Variants in NUDT21 observed in about 807,000 individuals in gnomAD.
The protein encoded by NUDT21 is nudix hydrolase 21.
A neutral mutation model predicts 29.8 loss-of-function variants in NUDT21; 5 were observed. The observed-to-expected ratio is 0.17, with a 90% CI of 0.09 to 0.35. The LOEUF is 0.35. Ranked by LOEUF, NUDT21 falls within the 10% of genes least tolerant of loss-of-function variation. The pLI, the probability that NUDT21 is intolerant of heterozygous loss-of-function variation, is 1.00. For synonymous variants in NUDT21, 113 were observed against 98.5 expected (o/e 1.15, Z -0.87); for missense variants, 76 against 276.0 (o/e 0.28, Z 5.13).
chr16:56,446,527 A>G (rs963990631), intron 3 of NUDT21, 99 bp downstream of exon 3: 1 of 638,484 alleles, frequency 1.6e-6, no homozygotes, highest in South Asian at 2.2e-5. Context: ...GTATTTATTG[A>G]AAACTAAATA....
Position 56,451,256 on chromosome 16 carries a change from T to C in NUDT21, c.-54A>G, listed in dbSNP as rs1962311661. 1 of 1,372,514 alleles carries C rather than the reference T, an allele frequency of 7.3e-7. No homozygotes were observed. The highest frequency in any genetic ancestry group is 2.0e-5 in the Admixed American group (1 of 51,020). The allele number at this position is 1,372,514 out of a possible 1,614,324, so 85.0% of individuals were successfully genotyped here. On this transcript the variant is annotated 5_prime_UTR_variant, in exon 1 of 7. Coordinates refer to ENST00000300291, the MANE Select transcript of NUDT21 (RefSeq NM_007006.3). ...CAGAAAGTGGCAGGCAGGGTAGACT[T>C]TCCCCGTGCGGGAAGCGGTTATCTG...
In NUDT21 at chr16:56,430,479, G is replaced by A. The variant is rs1156438314; in HGVS notation, c.*2233C>T. ...TTTTAGACAAATATACAACATAGAA[G>A]CCACTAAAAAATATGGGTCTATTAA... On this transcript the variant is annotated 3_prime_UTR_variant, in exon 7 of 7. Transcript: ENST00000300291. 7.9e-5 allele frequency: 12 copies of A among 152,116 alleles called. No individual in the cohort carries two copies. Among genetic ancestry groups the A allele is most frequent in the African/African-American group, 2.7e-4 (11 of 41,416 alleles). The allele number at this position is 152,116 out of a possible 1,614,324, so 9.4% of individuals were successfully genotyped here.
At position 56,446,693 on chromosome 16, in the gene NUDT21, T is replaced by C. The variant is rs767175874; in HGVS notation, c.318-4A>G. The C allele has an allele frequency of 1.9e-6, 3 of 1,578,904 alleles. No homozygotes were observed. Among genetic ancestry groups the C allele is most frequent in the Admixed American group, 1.8e-5 (1 of 55,314 alleles). On this transcript the variant is annotated splice_polypyrimidine_tract_variant and splice_region_variant and intron_variant, in intron 2 of 6. Coordinates refer to ENST00000300291, the MANE Select transcript of NUDT21 (RefSeq NM_007006.3). ...TGGGTTAAGTTCACCACCAGGTCTG[T>C]ATAAAAGTTAAGAATTTCAGCTTTC...
In NUDT21 at chr16:56,441,367, G is replaced by A. The variant is rs549532185; in HGVS notation, c.382-1621C>T. On this transcript the variant is annotated intron_variant, in intron 3 of 6. Coordinates refer to ENST00000300291, the MANE Select transcript of NUDT21 (RefSeq NM_007006.3). Reference sequence around the variant, plus strand: ...CTCCCCTGCCTCAGCCTCCCGAGTAGCTGGGACCACAGGTGCCCGCCACCA... The same window carrying A: ...CTCCCCTGCCTCAGCCTCCCGAGTAACTGGGACCACAGGTGCCCGCCACCA... 1.1e-4 allele frequency among the ~76,000 whole-genome samples: 17 copies of A among 152,240 alleles called. No homozygotes were observed. The East Asian group carries it at 3.3e-3, about 29-fold the overall frequency.
chr16:56,447,308 TC>T (rs1962230385), intron 2 of NUDT21, among the ~76,000 whole-genome samples: 1 of 152,216 alleles, frequency 6.6e-6, no homozygotes, highest in African/African-American at 2.4e-5. Flanking sequence ...GGAAACTTTT[TC>T]AAGAACGTCA....
intron 4 of NUDT21, chr16:56,439,106 T>TA (rs1439326246): frequency 6.5e-6 from 1 of 153,444 alleles, no homozygotes; most frequent in Non-Finnish European, 1.5e-5. Flanking sequence ...TGCTAACTGT[T>TA]AAAGGCAGAC....
chr16:56,437,124 G>A (rs1962112533), intron 4 of NUDT21, among the ~76,000 whole-genome samples: 1 of 152,114 alleles, frequency 6.6e-6, no homozygotes, highest in Non-Finnish European at 1.5e-5. Context: ...GCAATTCTTA[G>A]GTAGTGAACA....
chr16:56,446,853 GTCAAT>G, intron 2 of NUDT21, 164 bp from the exon 3 acceptor site: 1 of 515,918 alleles, frequency 1.9e-6, no homozygotes, highest in Non-Finnish European at 3.4e-6. Flanking sequence ...TTGAATTCAT[GTCAAT>G]TCCCCAGACT....
chr16:56,432,690 TACTTCTCC>T lies in NUDT21; in HGVS notation c.*14_*21del. 1 of 1,607,986 alleles carries T rather than the reference TACTTCTCC, an allele frequency of 6.2e-7. No homozygotes were observed. Among genetic ancestry groups the T allele is most frequent in the Non-Finnish European group, 8.5e-7 (1 of 1,176,644 alleles). On this transcript the variant is annotated 3_prime_UTR_variant, in exon 7 of 7. Coordinates refer to ENST00000300291, the MANE Select transcript of NUDT21 (RefSeq NM_007006.3). The stretch of plus-strand genomic sequence containing the variant: ...GCTCACAGAGACAAGCGGCTTCTTT[TACTTCTCC>T]ACTGCGCAGGAATTCAGTTGTAAAT...
At chr16:56,433,210 T>C (rs1962056215) in intron 6 of NUDT21, among the ~76,000 whole-genome samples, 1 of 152,202 alleles carries the variant, frequency 6.6e-6, no homozygotes, top group East Asian at 1.9e-4. Flanking sequence ...TCATACTCAA[T>C]AAGCTTTCAC....
At chr16:56,434,691 G>A (rs932744847) in intron 5 of NUDT21, 63 bp downstream of exon 5, 1 of 1,050,924 alleles carries the variant, frequency 9.5e-7, no homozygotes, top group Non-Finnish European at 1.5e-6. Flanking sequence ...CACAAATAGA[G>A]GTATCCTTGA....
intron 3 of NUDT21, among the ~76,000 whole-genome samples, chr16:56,443,333 C>T (rs560856574): frequency 1.3e-5 from 2 of 152,108 alleles, no homozygotes; most frequent in Admixed American, 6.6e-5. Context: ...CCCGCCACCA[C>T]GCCCAGCTAA....
chr16:56,446,488 C>A, intron 3 of NUDT21, 138 bp downstream of exon 3: 2 of 523,894 alleles, frequency 3.8e-6, no homozygotes. Flanking sequence ...AAAAAATCAA[C>A]ATTGTACTAA....
chr16:56,448,507 T>G (rs549602381), intron 1 of NUDT21, among the ~76,000 whole-genome samples: 1 of 152,350 alleles, frequency 6.6e-6, no homozygotes, highest in African/African-American at 2.4e-5. Flanking sequence ...CACCACAGCC[T>G]TTCCTTTTCA....
chr16:56,447,148 A>C (rs1316483794), intron 2 of NUDT21: 1 of 158,260 alleles, frequency 6.3e-6, no homozygotes. Context: ...CCCTAGTTTT[A>C]AACAAACAGA....
chr16:56,442,504 G>A (rs1450894930), intron 3 of NUDT21, among the ~76,000 whole-genome samples: 2 of 152,150 alleles, frequency 1.3e-5, no homozygotes, highest in African/African-American at 2.4e-5. Flanking sequence ...TTGATGTTTT[G>A]CATTTAACCT....
intron 6 of NUDT21, among the ~76,000 whole-genome samples, chr16:56,432,955 TAAA>T (rs751153566): frequency 2.6e-5 from 4 of 151,964 alleles, no homozygotes; most frequent in Non-Finnish European, 5.9e-5. Context: ...ATACTTATAA[TAAA>T]AAAAATTAAG....
chr16:56,447,022 A>G (rs1384837574), intron 2 of NUDT21: 2 of 200,660 alleles, frequency 1.0e-5, no homozygotes, highest in Non-Finnish European at 2.0e-5. Context: ...GAAACAGTGA[A>G]CATAACATCC....
chr16:56,433,567 A>G (rs1422273307), intron 6 of NUDT21, among the ~76,000 whole-genome samples: 2 of 152,250 alleles, frequency 1.3e-5, no homozygotes, highest in African/African-American at 4.8e-5. Flanking sequence ...CTAACTGCCT[A>G]AAGATTCAAA....
Sources: allele counts gnomAD v4.1 joint callset (sites outside exome capture counted in the v4.1 genomes callset), GRCh38; gene constraint gnomAD v4.1.1; transcripts MANE v1.5; gene names NCBI Gene and HGNC (gene_info 2026-07-23, HGNC 2026-07-21).